ADAMTS12: variants seen among roughly 807,000 people sequenced by gnomAD.
ADAMTS12 encodes the protein A disintegrin and metalloproteinase with thrombospondin motifs 12.
Under a neutral mutation model 167.8 loss-of-function variants are expected in ADAMTS12, and 118 were observed. That is an observed-to-expected ratio of 0.70 (90% CI 0.61 to 0.82). The LOEUF (loss-of-function observed/expected upper bound fraction) is 0.82, where lower values mean the gene tolerates loss of function less well. ADAMTS12 is among the 40% of genes least tolerant of loss of function. The pLI is 0.00. For synonymous variants in ADAMTS12, 704 were observed against 716.9 expected (o/e 0.98, Z 0.29); for missense variants, 1,916 against 1,998.8 (o/e 0.96, Z 0.79).
At chr5:33,575,250 T>C (rs1257762049) in intron 19 of ADAMTS12, among the ~76,000 whole-genome samples, 1 of 152,228 alleles carries the variant, frequency 6.6e-6, no homozygotes, top group African/African-American at 2.4e-5. Context: ...TAACAAGTTT[T>C]GTCTTAGGTT....
At chr5:33,865,234 A>G (rs762265415) in intron 2 of ADAMTS12, among the ~76,000 whole-genome samples, 1 of 152,142 alleles carries the variant, frequency 6.6e-6, no homozygotes, top group African/African-American at 2.4e-5. Context: ...TCAACAAAAT[A>G]CTAGCAAACC....
intron 2 of ADAMTS12, among the ~76,000 whole-genome samples, chr5:33,793,171 G>A (rs1212962230): frequency 6.6e-6 from 1 of 152,200 alleles, no homozygotes. Flanking sequence ...TCAGATAAAG[G>A]ACTAATCTTA....
chr5:33,767,061 C>G (rs1745560282), intron 2 of ADAMTS12, among the ~76,000 whole-genome samples: 1 of 151,196 alleles, frequency 6.6e-6, no homozygotes, highest in Admixed American at 6.6e-5. Context: ...TAATAATTGC[C>G]TGGCAAACAA....
At chr5:33,570,303 C>G (rs1447676629) in intron 19 of ADAMTS12, among the ~76,000 whole-genome samples, 1 of 152,054 alleles carries the variant, frequency 6.6e-6, no homozygotes, top group Non-Finnish European at 1.5e-5. Context: ...GTCAGATTCA[C>G]CAAAGTTGAA....
At chr5:33,791,016 G>C (rs1015907578) in intron 2 of ADAMTS12, among the ~76,000 whole-genome samples, 1 of 151,828 alleles carries the variant, frequency 6.6e-6, no homozygotes, top group African/African-American at 2.4e-5. Flanking sequence ...CAGAGCATGC[G>C]GTCACACTCT....
At chr5:33,694,313 C>T (rs1742671384) in intron 3 of ADAMTS12, among the ~76,000 whole-genome samples, 1 of 152,178 alleles carries the variant, frequency 6.6e-6, no homozygotes, top group Admixed American at 6.5e-5. Flanking sequence ...GGGCTATTCT[C>T]TCAACCATCT....
intron 3 of ADAMTS12, among the ~76,000 whole-genome samples, chr5:33,688,143 AT>A (rs1341904873): frequency 6.6e-6 from 1 of 152,238 alleles, no homozygotes; most frequent in Non-Finnish European, 1.5e-5. Flanking sequence ...TAAATACCAA[AT>A]GCACAAGCAA....
chr5:33,621,795 G>GTCACATA (rs1739342687), intron 14 of ADAMTS12, among the ~76,000 whole-genome samples: 1 of 152,200 alleles, frequency 6.6e-6, no homozygotes, highest in African/African-American at 2.4e-5. Context: ...ACACATAGGT[G>GTCACATA]TCTGGTTCAG....
intron 7 of ADAMTS12, among the ~76,000 whole-genome samples, chr5:33,650,728 C>A (rs1439420702): frequency 6.6e-6 from 1 of 152,162 alleles, no homozygotes; most frequent in Admixed American, 6.5e-5. Flanking sequence ...AATTCAGAAG[C>A]CTTTGTTTAT....
chr5:33,617,341 T>C (rs1231011758), intron 14 of ADAMTS12, among the ~76,000 whole-genome samples: 1 of 152,152 alleles, frequency 6.6e-6, no homozygotes, highest in East Asian at 1.9e-4. Flanking sequence ...CACCTGAAAG[T>C]GCCTCAATTT....
chr5:33,808,734 CAA>C (rs35977524), intron 2 of ADAMTS12, among the ~76,000 whole-genome samples: 1 of 152,116 alleles, frequency 6.6e-6, no homozygotes, highest in African/African-American at 2.4e-5. Context: ...AGGTCAGGGT[CAA>C]AAAAGCTTGG....
intron 2 of ADAMTS12, chr5:33,840,299 T>C (rs1343913931): frequency 1.3e-5 from 2 of 152,256 alleles, no homozygotes; most frequent in Admixed American, 1.3e-4. Context: ...TCTCACTGTA[T>C]GTATTCAAAT....
chr5:33,872,372 C>T (rs556903742), intron 2 of ADAMTS12, among the ~76,000 whole-genome samples: 4 of 151,998 alleles, frequency 2.6e-5, no homozygotes, highest in Admixed American at 6.5e-5. Context: ...GGTGAAACCC[C>T]GTCTCCACTA....
At chr5:33,548,350 G>C (rs939690253) in intron 21 of ADAMTS12, among the ~76,000 whole-genome samples, 1 of 152,094 alleles carries the variant, frequency 6.6e-6, no homozygotes, top group African/African-American at 2.4e-5. Flanking sequence ...CTCATTGTGT[G>C]TCTCAGGTAG....
chr5:33,649,318 G>C (rs1420296817), intron 8 of ADAMTS12, among the ~76,000 whole-genome samples: 2 of 152,148 alleles, frequency 1.3e-5, no homozygotes, highest in Admixed American at 6.5e-5. Context: ...TTTGGGGCAG[G>C]AGCAATCTGG....
At chr5:33,844,669 G>A (rs553450990) in intron 2 of ADAMTS12, among the ~76,000 whole-genome samples, 11 of 152,192 alleles carry the variant, frequency 7.2e-5, no homozygotes, top group South Asian at 4.2e-4. Flanking sequence ...CCATGATCTC[G>A]CCCTGCCTCC....
chr5:33,610,284 G>A (rs1170193729), intron 16 of ADAMTS12, among the ~76,000 whole-genome samples: 1 of 152,134 alleles, frequency 6.6e-6, no homozygotes, highest in Non-Finnish European at 1.5e-5. Flanking sequence ...ATTGGATACT[G>A]TACAACTTTT....
chr5:33,635,217 T>C (rs1241343638), intron 12 of ADAMTS12, among the ~76,000 whole-genome samples: 1 of 152,162 alleles, frequency 6.6e-6, no homozygotes, highest in South Asian at 2.1e-4. Flanking sequence ...GGGCAAGATA[T>C]ATAGGTTTAA....
intron 16 of ADAMTS12, among the ~76,000 whole-genome samples, chr5:33,611,093 C>T (rs1040618272): frequency 9.9e-5 from 15 of 151,818 alleles, no homozygotes; most frequent in African/African-American, 3.6e-4. Flanking sequence ...GGATTTACCT[C>T]AAAAGCATAA....
Sources: gnomAD v4.1 joint callset for allele counts (sites outside exome capture counted in the v4.1 genomes callset) on GRCh38, gnomAD v4.1.1 for gene constraint, MANE v1.5 for transcripts, NCBI Gene and HGNC (gene_info 2026-07-23, HGNC 2026-07-21) for gene names.